ZNF532: variants seen among roughly 807,000 people sequenced by gnomAD.
ZNF532 encodes zinc finger protein 532.
Under a neutral mutation model 89.3 loss-of-function variants are expected in ZNF532, and 22 were observed. That is an observed-to-expected ratio of 0.25 (90% CI 0.18 to 0.35). The LOEUF is 0.35. Ranked by LOEUF, ZNF532 falls within the 10% of genes least tolerant of loss-of-function variation. The pLI, the probability that ZNF532 is intolerant of heterozygous loss-of-function variation, is 1.00. For missense variants in ZNF532, 1,132 were observed against 1,643.4 expected (o/e 0.69, Z 5.38); for synonymous variants, 606 against 649.6 (o/e 0.93, Z 1.02).
At chr18:58,921,425 T>A (rs564260383) in intron 3 of ZNF532, among the ~76,000 whole-genome samples, 1 of 152,368 alleles carries the variant, frequency 6.6e-6, no homozygotes, top group Admixed American at 6.5e-5. Context: ...ATCTTACTTT[T>A]ACAGTTAAAT....
intron 8 of ZNF532, chr18:58,979,937 T>TTCATACGTGAACACCAGAACG (rs2067541889): frequency 6.6e-6 from 1 of 152,226 alleles, no homozygotes; most frequent in Non-Finnish European, 1.5e-5. Context: ...AAGCTGCTGC[T>TTCATACGTGAACACCAGAACG]TCATACGTGA....
chr18:58,914,456 C>T lies in ZNF532; in HGVS notation c.-17-3815C>T, dbSNP rs569723179. ...CAGCACTCTGGGAGGCCGCGGCGGGCGGATCACGAGGTCAGGAGCTTGAGA... is the reference window on the plus strand; with the variant it reads ...CAGCACTCTGGGAGGCCGCGGCGGGTGGATCACGAGGTCAGGAGCTTGAGA... On this transcript the variant is annotated intron_variant, in intron 2 of 9. Coordinates refer to ENST00000591808, the MANE Select transcript of ZNF532 (RefSeq NM_001375912.1). 5.3e-5 allele frequency among the ~76,000 whole-genome samples: 8 copies of T among 152,300 alleles called. No homozygotes were observed. The South Asian group carries it at 1.0e-3, about 20-fold the overall frequency.
At chr18:58,883,169 A>G (rs1249207842) in intron 2 of ZNF532, among the ~76,000 whole-genome samples, 1 of 152,224 alleles carries the variant, frequency 6.6e-6, no homozygotes, top group African/African-American at 2.4e-5. Flanking sequence ...TACTGATGTA[A>G]TTAATTCTCT....
chr18:58,985,246 A>T lies in ZNF532; in HGVS notation c.*780A>T, dbSNP rs1362146793. The stretch of plus-strand genomic sequence containing the variant: ...GATCTGCAAGGCTGGCTTTAAGAGC[A>T]CAAGGAGGGAAAGTAACGAAAGGGC... On this transcript the variant is annotated 3_prime_UTR_variant, in exon 10 of 10. Coordinates refer to ENST00000591808, the MANE Select transcript of ZNF532 (RefSeq NM_001375912.1). 3 of 152,282 alleles carry T rather than the reference A, an allele frequency of 2.0e-5. No homozygotes were observed. Among genetic ancestry groups the T allele is most frequent in the Admixed American group, 6.5e-5 (1 of 15,292 alleles). The allele number at this position is 152,282 out of a possible 1,614,324, so 9.4% of individuals were successfully genotyped here. A position where few individuals can be genotyped will look rare whatever the true frequency, so the allele number is the denominator to read the frequency against.
chr18:58,888,761 A>ATATATAATTTATATATATATAAAATTT (rs1450919884), intron 2 of ZNF532, among the ~76,000 whole-genome samples: 2 of 9,438 alleles, frequency 2.1e-4, no homozygotes, highest in Non-Finnish European at 6.9e-4. Flanking sequence ...ATATAAAATT[A>ATATATAATTTATATATATATAAAATTT]ATATATATAA....
intron 2 of ZNF532, among the ~76,000 whole-genome samples, chr18:58,917,840 A>G (rs1162109178): frequency 6.6e-6 from 1 of 152,176 alleles, no homozygotes; most frequent in African/African-American, 2.4e-5. Context: ...GTTTCTTTTA[A>G]TAAGGTATCC....
At chr18:58,969,181 G>A (rs1185224680) in intron 7 of ZNF532, among the ~76,000 whole-genome samples, 1 of 152,162 alleles carries the variant, frequency 6.6e-6, no homozygotes, top group African/African-American at 2.4e-5. Flanking sequence ...GAGCCTCGGG[G>A]TGTGAGCTTT....
At chr18:58,921,409 A>T (rs1422665085) in intron 3 of ZNF532, among the ~76,000 whole-genome samples, 1 of 152,188 alleles carries the variant, frequency 6.6e-6, no homozygotes, top group African/African-American at 2.4e-5. Context: ...GTTATTTATA[A>T]TGCTGATCTT....
At chr18:58,954,283 C>G (rs899071424) in intron 7 of ZNF532, 1 of 986,986 alleles carries the variant, frequency 1.0e-6, no homozygotes, top group Non-Finnish European at 1.2e-6. Flanking sequence ...TCTGTAACTC[C>G]AAGTCACTGA....
intron 5 of ZNF532, chr18:58,940,129 G>A (rs2062856956): frequency 6.6e-6 from 1 of 152,114 alleles, no homozygotes; most frequent in Non-Finnish European, 1.5e-5. Flanking sequence ...TCCTGACCTC[G>A]TGATCCACCT....
intron 2 of ZNF532, among the ~76,000 whole-genome samples, chr18:58,903,179 C>T (rs1417812033): frequency 6.6e-6 from 1 of 152,154 alleles, no homozygotes; most frequent in Non-Finnish European, 1.5e-5. Flanking sequence ...GCTCTTCCTT[C>T]AGTAGAACCT....
intron 5 of ZNF532, among the ~76,000 whole-genome samples, chr18:58,941,972 C>CCTCCCTCCCTCCT (rs1568379870): frequency 1.9e-4 from 24 of 129,616 alleles, no homozygotes; most frequent in South Asian, 2.9e-4. Context: ...CTCTCCCTCC[C>CCTCCCTCCCTCCT]TCCCTCCTTC....
At chr18:58,884,632 A>G (rs1196337857) in intron 2 of ZNF532, among the ~76,000 whole-genome samples, 3 of 152,228 alleles carry the variant, frequency 2.0e-5, no homozygotes, top group Non-Finnish European at 2.9e-5. Context: ...AAAGCATGGT[A>G]CTTACAAAAT....
chr18:58,969,513 G>A (rs2066255229), intron 7 of ZNF532, among the ~76,000 whole-genome samples: 1 of 152,160 alleles, frequency 6.6e-6, no homozygotes, highest in South Asian at 2.1e-4. Context: ...GACACTCTAA[G>A]GGGTCACTTG....
intron 7 of ZNF532, among the ~76,000 whole-genome samples, chr18:58,978,144 A>G (rs1421833557): frequency 1.3e-5 from 2 of 152,324 alleles, no homozygotes; most frequent in East Asian, 3.9e-4. Context: ...ACTTTTAAAT[A>G]TAAGGAAATT....
At chr18:58,949,937 C>G (rs1308482788) in intron 6 of ZNF532, among the ~76,000 whole-genome samples, 1 of 152,120 alleles carries the variant, frequency 6.6e-6, no homozygotes, top group African/African-American at 2.4e-5. Flanking sequence ...TTTCATCATT[C>G]TCATTTGAAG....
At chr18:58,913,769 A>G (rs2060427265) in intron 2 of ZNF532, among the ~76,000 whole-genome samples, 2 of 152,226 alleles carry the variant, frequency 1.3e-5, no homozygotes, top group Admixed American at 1.3e-4. Flanking sequence ...TAATACTGCC[A>G]AGATGGTCAG....
rs1011829605 is a variant in ZNF532, at chr18:58,960,244, T to A, written c.3150+6445T>A. Among the ~76,000 whole-genome samples, 6 of 152,234 alleles carry A rather than the reference T, an allele frequency of 3.9e-5. No homozygotes were observed. The East Asian group carries it at 1.2e-3, about 29-fold the overall frequency. On this transcript the variant is annotated intron_variant, in intron 7 of 9. Transcript: ENST00000591808. ...ATTTAAAAAAATTTTTTGGTAGAGA[T>A]GCCTTCTGATGCCCAGGCTGGTCTT... is the stretch of plus-strand genomic sequence containing the variant.
chr18:58,926,259 T>C (rs2061510605), intron 3 of ZNF532: 1 of 152,228 alleles, frequency 6.6e-6, no homozygotes, highest in African/African-American at 2.4e-5. Flanking sequence ...TAAGAACAGA[T>C]ACTACACTTG....
Sources: allele counts gnomAD v4.1 joint callset (sites outside exome capture counted in the v4.1 genomes callset), GRCh38; gene constraint gnomAD v4.1.1; transcripts MANE v1.5; gene names NCBI Gene and HGNC (gene_info 2026-07-23, HGNC 2026-07-21).